BLVRA: variants seen among roughly 807,000 people sequenced by gnomAD.
BLVRA encodes biliverdin reductase A, also known as BVR A.
In BLVRA, 22 loss-of-function variants were observed where a neutral mutation model predicts 32.8. The ratio of observed to expected loss-of-function variants is 0.67; its 90% confidence interval spans 0.48 to 0.96. BLVRA has a LOEUF of 0.96. Ranked by LOEUF, BLVRA falls within the 40% of genes least tolerant of loss-of-function variation. The probability of loss-of-function intolerance (pLI) is 0.00; values close to 1 mark genes in which losing one functional copy is unlikely to be tolerated. For missense variants in BLVRA, 323 were observed against 358.1 expected (o/e 0.90, Z 0.79); for synonymous variants, 119 against 141.3 (o/e 0.84, Z 1.12).
intron 5 of BLVRA, among the ~76,000 whole-genome samples, chr7:43,800,178 A>C (rs182271557): frequency 5.7e-4 from 86 of 151,964 alleles, no homozygotes; most frequent in Non-Finnish European, 6.2e-4. Flanking sequence ...CTGGTCTGGA[A>C]CTCCTGACCT....
At chr7:43,785,280 G>A (rs898847123) in intron 2 of BLVRA, among the ~76,000 whole-genome samples, 1 of 147,300 alleles carries the variant, frequency 6.8e-6, no homozygotes, top group Non-Finnish European at 1.5e-5. Flanking sequence ...TGTTTTGGCT[G>A]TACAGATTTC....
Position 43,800,450 on chromosome 7 carries a change from T to C in BLVRA, c.353-15T>C. On this transcript the variant is annotated splice_polypyrimidine_tract_variant and intron_variant, in intron 5 of 7. Coordinates refer to ENST00000265523, the MANE Select transcript of BLVRA (RefSeq NM_000712.4). ...ACTGACGACTGCCCTTTTTATTCCATTTTTGTCGTTACAGGAAAAGTCTTG... is the reference window on the plus strand; with the variant it reads ...ACTGACGACTGCCCTTTTTATTCCACTTTTGTCGTTACAGGAAAAGTCTTG... The C allele has an allele frequency of 6.2e-7, 1 of 1,612,756 alleles. No homozygotes were observed. Among genetic ancestry groups the C allele is most frequent in the Non-Finnish European group, 8.5e-7 (1 of 1,178,812 alleles).
intron 6 of BLVRA, 76 bp from the exon 7 acceptor site, chr7:43,803,600 A>ACCCCCCCCCC: frequency 2.1e-6 from 1 of 478,310 alleles, no homozygotes; most frequent in African/African-American, 2.7e-5. Flanking sequence ...CACCCCCGCC[A>ACCCCCCCCCC]CCCCCACCCC....
intron 2 of BLVRA, among the ~76,000 whole-genome samples, chr7:43,785,453 A>G (rs1224042489): frequency 3.3e-5 from 5 of 152,140 alleles, no homozygotes; most frequent in Non-Finnish European, 5.9e-5. Flanking sequence ...CCTGACTTCC[A>G]GAAGAGAAGC....
chr7:43,767,096 A>G (rs1264206901), intron 1 of BLVRA, among the ~76,000 whole-genome samples: 1 of 152,216 alleles, frequency 6.6e-6, no homozygotes, highest in African/African-American at 2.4e-5. Flanking sequence ...TTTCTCGTGC[A>G]TATGCATCTC....
intron 1 of BLVRA, among the ~76,000 whole-genome samples, chr7:43,761,448 A>G (rs2095742173): frequency 6.6e-6 from 1 of 152,206 alleles, no homozygotes; most frequent in African/African-American, 2.4e-5. Context: ...CGGCTCCCTT[A>G]TAGGTCATTG....
intron 1 of BLVRA, among the ~76,000 whole-genome samples, chr7:43,764,866 T>C (rs1262973922): frequency 6.6e-6 from 1 of 151,952 alleles, no homozygotes; most frequent in Non-Finnish European, 1.5e-5. Context: ...CCCTCTTCTA[T>C]TTCAAGGTGC....
chr7:43,763,370 G>A (rs987426806), intron 1 of BLVRA, among the ~76,000 whole-genome samples: 3 of 152,082 alleles, frequency 2.0e-5, no homozygotes, highest in East Asian at 1.9e-4. Flanking sequence ...CTTGCCTGCC[G>A]ATCTCCTCCA....
chr7:43,781,997 G>A (rs557336813), intron 2 of BLVRA, among the ~76,000 whole-genome samples: 100 of 152,184 alleles, frequency 6.6e-4, no homozygotes, highest in Non-Finnish European at 1.3e-3. Flanking sequence ...GTCCTCTCTC[G>A]GGAAGTCATA....
intron 1 of BLVRA, among the ~76,000 whole-genome samples, chr7:43,761,557 G>A (rs2095742275): frequency 6.6e-6 from 1 of 151,918 alleles, no homozygotes; most frequent in Non-Finnish European, 1.5e-5. Flanking sequence ...AACATACATG[G>A]CAACTTCATT....
rs2095787741 is a variant in BLVRA, at chr7:43,792,829, A to C, written c.352+17A>C. 2 of 1,611,180 alleles carry C rather than the reference A, an allele frequency of 1.2e-6. No individual in the cohort carries two copies. Among genetic ancestry groups the C allele is most frequent in the Non-Finnish European group, 1.7e-6 (2 of 1,177,700 alleles). ...AGCAGAAAGGTAATGTATCTTACCA[A>C]GAGTTTCTGCCTCCAGGATTTCTGT... On this transcript the variant is annotated intron_variant, in intron 5 of 7. Coordinates refer to ENST00000265523, the MANE Select transcript of BLVRA (RefSeq NM_000712.4).
At position 43,803,659 on chromosome 7, in the gene BLVRA, TTTG is replaced by T. The variant is rs765437460; in HGVS notation, c.461-15_461-13del. The T allele has an allele frequency of 7.0e-7, 1 of 1,426,102 alleles. No individual in the cohort carries two copies. Among genetic ancestry groups the T allele is most frequent in the Admixed American group, 1.9e-5 (1 of 53,584 alleles). The allele number at this position is 1,426,102 out of a possible 1,614,324, so 88.3% of individuals were successfully genotyped here. A position where few individuals can be genotyped will look rare whatever the true frequency, so the allele number is the denominator to read the frequency against. On this transcript the variant is annotated splice_polypyrimidine_tract_variant and intron_variant, in intron 6 of 7. Transcript: ENST00000265523. The stretch of plus-strand genomic sequence containing the variant: ...TTCCTGCTTCCCAGTTCCCACAGCA[TTTG>T]TGATTTCCCACAGCTGGCCCGTTGG...
At chr7:43,769,319 C>T (rs892771323) in intron 1 of BLVRA, among the ~76,000 whole-genome samples, 5 of 152,100 alleles carry the variant, frequency 3.3e-5, no homozygotes, top group Non-Finnish European at 7.4e-5. Context: ...TGTGAGCTAC[C>T]GTGCCCGGCC....
Position 43,771,180 on chromosome 7 carries a change from T to C in BLVRA, c.12+10T>C. 1 of 1,613,578 alleles carries C rather than the reference T, an allele frequency of 6.2e-7. No individual in the cohort carries two copies. The highest frequency in any genetic ancestry group is 8.5e-7 in the Non-Finnish European group (1 of 1,179,466). On this transcript the variant is annotated intron_variant, in intron 2 of 7. Coordinates refer to ENST00000265523, the MANE Select transcript of BLVRA (RefSeq NM_000712.4). ...CAAGATGAATGCAGAGGTGAGTTCT[T>C]TACAAAGACCAGTTTAAGGGATGCT...
rs17856154 is a variant in BLVRA, at chr7:43,800,474, T to C, written c.362T>C (p.Leu121Ser). 4.2e-5 allele frequency: 67 copies of C among 1,614,008 alleles called. No homozygotes were observed. Among genetic ancestry groups the C allele is most frequent in the Non-Finnish European group, 5.7e-5 (67 of 1,179,956 alleles). ...WELAEQKGKV[L>S]HEEHVELLME... is the part of the protein sequence containing the mutation. ...ATTTTTGTCGTTACAGGAAAAGTCT[T>C]GCACGAGGAGCATGTTGAACTCTTG... The change falls in exon 6 of 8, where the codon TTG becomes TCG. Residue 121 changes from leucine (L) to serine (S), a missense_variant. Physicochemically the swap from Leu to Ser is moderately radical, Grantham distance 145 (BLOSUM62 -2). Coordinates refer to ENST00000265523, the MANE Select transcript of BLVRA (RefSeq NM_000712.4).
At chr7:43,785,974 G>T (rs1202212419) in intron 2 of BLVRA, among the ~76,000 whole-genome samples, 3 of 149,818 alleles carry the variant, frequency 2.0e-5, no homozygotes, top group Non-Finnish European at 4.4e-5. Flanking sequence ...AGGAAAAGAG[G>T]GGAAAAAGAA....
intron 3 of BLVRA, among the ~76,000 whole-genome samples, chr7:43,788,840 T>C (rs1323702472): frequency 6.6e-6 from 1 of 151,298 alleles, no homozygotes; most frequent in Non-Finnish European, 1.5e-5. Flanking sequence ...GGTCTCCCTA[T>C]GTTGCCTAGA....
intron 3 of BLVRA, among the ~76,000 whole-genome samples, chr7:43,789,508 G>A (rs1003900448): frequency 2.6e-5 from 4 of 151,744 alleles, no homozygotes; most frequent in Non-Finnish European, 4.4e-5. Flanking sequence ...AGGCAGCACC[G>A]TAACCCCCAT....
At chr7:43,794,225 G>A (rs984999389) in intron 5 of BLVRA, among the ~76,000 whole-genome samples, 1 of 151,868 alleles carries the variant, frequency 6.6e-6, no homozygotes, top group African/African-American at 2.4e-5. Flanking sequence ...GTGAGACCCT[G>A]TCTCAAAAAT....
Sources: allele counts gnomAD v4.1 joint callset (sites outside exome capture counted in the v4.1 genomes callset), GRCh38; gene constraint gnomAD v4.1.1; transcripts MANE v1.5; gene names NCBI Gene and HGNC (gene_info 2026-07-23, HGNC 2026-07-21).